DTNBP1: variants seen among roughly 807,000 people sequenced by gnomAD.
DTNBP1 encodes dystrobrevin binding protein 1, also known as dysbindin.
Under a neutral mutation model 42.8 loss-of-function variants are expected in DTNBP1, and 35 were observed. That is an observed-to-expected ratio of 0.82 (90% CI 0.63 to 1.09). DTNBP1 has a LOEUF of 1.09. Among genes scored for constraint, DTNBP1 ranks in the 50% least tolerant of loss-of-function variants. The pLI, the probability that DTNBP1 is intolerant of heterozygous loss-of-function variation, is 0.00. For missense variants in DTNBP1, 457 were observed against 424.2 expected (o/e 1.08, Z -0.68); for synonymous variants, 171 against 162.2 (o/e 1.05, Z -0.41).
chr6:15,611,298 C>T (rs181648175), intron 6 of DTNBP1, among the ~76,000 whole-genome samples: 4 of 152,264 alleles, frequency 2.6e-5, no homozygotes, highest in African/African-American at 7.2e-5. Context: ...TTACTGAATA[C>T]TTTAAGCCTA....
intron 7 of DTNBP1, among the ~76,000 whole-genome samples, chr6:15,540,382 C>T (rs1172912383): frequency 2.6e-5 from 4 of 152,090 alleles, no homozygotes; most frequent in African/African-American, 9.7e-5. Context: ...GAATAGGCAG[C>T]TCAAAACCAA....
At chr6:15,628,128 A>G (rs959362248) in intron 4 of DTNBP1, among the ~76,000 whole-genome samples, 8 of 152,182 alleles carry the variant, frequency 5.3e-5, no homozygotes, top group Non-Finnish European at 8.8e-5. Context: ...TTCTTTTGCT[A>G]AAGACTATAA....
intron 7 of DTNBP1, among the ~76,000 whole-genome samples, chr6:15,544,635 G>A (rs1773770319): frequency 1.3e-5 from 2 of 152,270 alleles, no homozygotes; most frequent in Admixed American, 1.3e-4. Context: ...AGCTTTTTGA[G>A]CACCTACCTG....
intron 7 of DTNBP1, among the ~76,000 whole-genome samples, chr6:15,544,402 T>C (rs1301508079): frequency 1.3e-5 from 2 of 152,196 alleles, no homozygotes; most frequent in African/African-American, 4.8e-5. Context: ...TGAAAATAAG[T>C]ACTTTCTCTT....
At chr6:15,617,468 A>C (rs551755663) in intron 5 of DTNBP1, among the ~76,000 whole-genome samples, 2 of 152,202 alleles carry the variant, frequency 1.3e-5, no homozygotes, top group Non-Finnish European at 2.9e-5. Context: ...TGACTTCAAA[A>C]TATACTACAA....
chr6:15,614,745 A>T (rs1157425923), intron 6 of DTNBP1, among the ~76,000 whole-genome samples: 2 of 152,232 alleles, frequency 1.3e-5, no homozygotes, highest in Non-Finnish European at 2.9e-5. Flanking sequence ...TTTAATCCTT[A>T]TAACAACTCT....
chr6:15,657,884 C>A (rs1242638283), intron 1 of DTNBP1, among the ~76,000 whole-genome samples: 7 of 152,232 alleles, frequency 4.6e-5, no homozygotes, highest in Non-Finnish European at 7.3e-5. Context: ...ATGTGCTTAT[C>A]CAAATCTATC....
chr6:15,546,508 T>C (rs1456315153), intron 7 of DTNBP1, among the ~76,000 whole-genome samples: 1 of 152,170 alleles, frequency 6.6e-6, no homozygotes, highest in East Asian at 1.9e-4. Context: ...CCTTTTGAGT[T>C]AGACAATGAC....
At chr6:15,524,049 G>C (rs1371435387) in intron 9 of DTNBP1, 1 of 1,296,680 alleles carries the variant, frequency 7.7e-7, no homozygotes, top group Non-Finnish European at 1.0e-6. Context: ...GTGAAGGGAT[G>C]AAAGGAACTG....
intron 7 of DTNBP1, among the ~76,000 whole-genome samples, chr6:15,586,176 A>G (rs1436507860): frequency 6.6e-6 from 1 of 152,232 alleles, no homozygotes; most frequent in African/African-American, 2.4e-5. Flanking sequence ...AAGTAGTAAC[A>G]TAAAAATTAA....
chr6:15,602,591 A>C (rs1190596091), intron 6 of DTNBP1, among the ~76,000 whole-genome samples: 4 of 152,218 alleles, frequency 2.6e-5, no homozygotes, highest in African/African-American at 9.6e-5. Context: ...AAAAAACATA[A>C]AATATTATTC....
chr6:15,524,520 CCCTA>C lies in DTNBP1; in HGVS notation c.811+2_811+5del, dbSNP rs1772215836. ...GGTTCAGCTAATGCAAGTTTGTCAACCCTACCTAAGGCGGGGGACAGCACAGTGT... is the reference window on the plus strand; with the variant it reads ...GGTTCAGCTAATGCAAGTTTGTCAACCCTAAGGCGGGGGACAGCACAGTGT... On this transcript the variant is annotated splice_donor_variant and splice_donor_5th_base_variant and intron_variant, in intron 9 of 9. Coordinates refer to ENST00000344537, the MANE Select transcript of DTNBP1 (RefSeq NM_032122.5). LOFTEE classifies it high-confidence loss of function. 6.2e-7 allele frequency: 1 copy of C among 1,607,806 alleles called. No individual in the cohort carries two copies. The highest frequency in any genetic ancestry group is 1.3e-5 in the African/African-American group (1 of 74,900).
chr6:15,525,367 C>G (rs984485514), intron 8 of DTNBP1, among the ~76,000 whole-genome samples: 8 of 152,242 alleles, frequency 5.3e-5, no homozygotes, highest in Middle Eastern at 3.2e-3. Context: ...TTATCCTAGC[C>G]ATGGGGAATG....
At chr6:15,620,137 C>A (rs1278477305) in intron 5 of DTNBP1, among the ~76,000 whole-genome samples, 1 of 152,026 alleles carries the variant, frequency 6.6e-6, no homozygotes, top group African/African-American at 2.4e-5. Context: ...CACGGTAAAT[C>A]TGGAAAAGGC....
intron 7 of DTNBP1, among the ~76,000 whole-genome samples, chr6:15,538,022 A>C (rs1011546596): frequency 6.6e-5 from 10 of 152,176 alleles, no homozygotes; most frequent in Non-Finnish European, 8.8e-5. Context: ...TGTACTTCAC[A>C]GGGGTGCAGG....
Position 15,522,879 on chromosome 6 carries a change from C to CAAGAACCTCTATAAA in DTNBP1, c.*81_*95dup, listed in dbSNP as rs1307724290. 1.6e-4 allele frequency: 256 copies of CAAGAACCTCTATAAA among 1,603,656 alleles called. No individual in the cohort carries two copies. The highest frequency in any genetic ancestry group is 2.0e-4 in the Non-Finnish European group (232 of 1,173,336). On this transcript the variant is annotated 3_prime_UTR_variant, in exon 10 of 10. Coordinates refer to ENST00000344537, the MANE Select transcript of DTNBP1 (RefSeq NM_032122.5). ...ACATTATTGGCAATTATGTAAAAAT[C>CAAGAACCTCTATAAA]AAGAACCTCTATAAAACAACCTGGC...
At chr6:15,625,950 A>T (rs71533648) in intron 5 of DTNBP1, among the ~76,000 whole-genome samples, 25,925 of 152,184 alleles carry the variant, frequency 0.17, 2,692 homozygotes, top group Non-Finnish European at 0.24. Flanking sequence ...GCCATTTTAC[A>T]CTTTTCTAAG....
At chr6:15,533,736 C>T (rs1051338538) in intron 7 of DTNBP1, 1 of 485,402 alleles carries the variant, frequency 2.1e-6, no homozygotes. Flanking sequence ...TCTACTAACT[C>T]CAGTGGAGTC....
At chr6:15,613,335 C>T (rs145086187) in intron 6 of DTNBP1, among the ~76,000 whole-genome samples, 102,820 of 102,834 alleles carry the variant, frequency 1, 51,403 homozygotes, top group Middle Eastern at 1. Flanking sequence ...AAAAAAAATG[C>T]CCCTTTTTTG....
Sources: gnomAD v4.1 joint callset for allele counts (sites outside exome capture counted in the v4.1 genomes callset) on GRCh38, gnomAD v4.1.1 for gene constraint, MANE v1.5 for transcripts, NCBI Gene and HGNC (gene_info 2026-07-23, HGNC 2026-07-21) for gene names.